The following KCNN2 variants were observed in gnomAD, a reference collection of about 807,000 sequenced individuals.
KCNN2 encodes potassium calcium-activated channel subfamily N member 2.
KCNN2 carries 24 observed loss-of-function variants against 55.5 expected under a neutral mutation model. That is an observed-to-expected ratio of 0.43 (90% confidence interval 0.31 to 0.61). The LOEUF (loss-of-function observed/expected upper bound fraction) is 0.61, where lower values mean the gene tolerates loss of function less well. Ranked by LOEUF, KCNN2 falls within the 20% of genes least tolerant of loss-of-function variation. The pLI is 0.08. For missense variants in KCNN2, 754 were observed against 853.6 expected (o/e 0.88, Z 1.45); for synonymous variants, 431 against 336.1 (o/e 1.28, Z -3.09).
At chr5:114,202,084 C>T (rs1003270776) in intron 1 of KCNN2, among the ~76,000 whole-genome samples, 2 of 152,116 alleles carry the variant, frequency 1.3e-5, no homozygotes, top group African/African-American at 2.4e-5. Flanking sequence ...CTGTTCTCTT[C>T]CTGCCTCCGT....
chr5:114,294,079 C>T (rs1755954171), intron 2 of KCNN2, among the ~76,000 whole-genome samples: 1 of 152,080 alleles, frequency 6.6e-6, no homozygotes, highest in African/African-American at 2.4e-5. Context: ...TGATTCTTCT[C>T]TCTTTTTTTC....
chr5:114,122,757 G>A (rs574066642), intron 1 of KCNN2, among the ~76,000 whole-genome samples: 1 of 152,302 alleles, frequency 6.6e-6, no homozygotes, highest in East Asian at 1.9e-4. Flanking sequence ...AAACAAACGA[G>A]GAAGAGGGTG....
At chr5:114,439,669 A>G (rs867482399) in intron 3 of KCNN2, among the ~76,000 whole-genome samples, 20 of 152,304 alleles carry the variant, frequency 1.3e-4, no homozygotes, top group Admixed American at 2.0e-4. Flanking sequence ...TTCACTATGT[A>G]CTAATAGAAC....
intron 3 of KCNN2, among the ~76,000 whole-genome samples, chr5:114,460,895 A>AT (rs1306173774): frequency 6.6e-6 from 1 of 152,202 alleles, no homozygotes; most frequent in African/African-American, 2.4e-5. Flanking sequence ...TTGTCTCACA[A>AT]TTAAAAACTG....
At chr5:114,292,708 G>C (rs985059403) in intron 2 of KCNN2, among the ~76,000 whole-genome samples, 6 of 152,130 alleles carry the variant, frequency 3.9e-5, no homozygotes, top group African/African-American at 1.2e-4. Context: ...GTTTAAAGTA[G>C]TTTTTTCCAA....
At chr5:114,364,463 A>G (rs565868493) in intron 2 of KCNN2, among the ~76,000 whole-genome samples, 4 of 152,326 alleles carry the variant, frequency 2.6e-5, no homozygotes, top group African/African-American at 4.8e-5. Flanking sequence ...GCTAATTTAT[A>G]TAAATGAGAT....
At chr5:114,408,461 T>G (rs1759011759) in intron 3 of KCNN2, among the ~76,000 whole-genome samples, 1 of 152,142 alleles carries the variant, frequency 6.6e-6, no homozygotes, top group Non-Finnish European at 1.5e-5. Context: ...ATTAACGTTT[T>G]CTTTTTAAGG....
chr5:114,493,726 G>T (rs1747974502), intron 7 of KCNN2, among the ~76,000 whole-genome samples: 1 of 152,130 alleles, frequency 6.6e-6, no homozygotes, highest in African/African-American at 2.4e-5. Context: ...AGTACCATAA[G>T]AAGCTTAAGT....
intron 2 of KCNN2, among the ~76,000 whole-genome samples, chr5:114,223,912 G>T (rs1754192974): frequency 6.6e-6 from 1 of 152,136 alleles, no homozygotes; most frequent in African/African-American, 2.4e-5. Flanking sequence ...TGAGGGGGCA[G>T]AACAATGTTG....
intron 1 of KCNN2, among the ~76,000 whole-genome samples, chr5:114,129,671 G>A (rs1446620555): frequency 6.6e-6 from 1 of 152,154 alleles, no homozygotes; most frequent in East Asian, 1.9e-4. Context: ...GAAAGACAGA[G>A]GTGACGAAGT....
At chr5:114,073,285 A>G (rs1750615975) in intron 1 of KCNN2, among the ~76,000 whole-genome samples, 1 of 152,206 alleles carries the variant, frequency 6.6e-6, no homozygotes, top group African/African-American at 2.4e-5. Flanking sequence ...GTCTTTAAAT[A>G]GCTTGATTGC....
At chr5:114,198,364 G>GT (rs1753601175) in intron 1 of KCNN2, among the ~76,000 whole-genome samples, 1 of 148,856 alleles carries the variant, frequency 6.7e-6, no homozygotes, top group Admixed American at 6.7e-5. Context: ...ACATAGGTGT[G>GT]TATATATACA....
At chr5:114,341,424 G>T (rs1012293983) in intron 2 of KCNN2, among the ~76,000 whole-genome samples, 2 of 152,126 alleles carry the variant, frequency 1.3e-5, no homozygotes, top group African/African-American at 4.8e-5. Context: ...GGAGATGAAT[G>T]CTAGAAATGA....
At chr5:114,292,007 T>C (rs1392553816) in intron 2 of KCNN2, among the ~76,000 whole-genome samples, 1 of 151,966 alleles carries the variant, frequency 6.6e-6, no homozygotes, top group Non-Finnish European at 1.5e-5. Flanking sequence ...AAGTGTCTGT[T>C]CATATCCTTC....
At position 114,155,114 on chromosome 5, in the gene KCNN2, T is replaced by G. The variant is rs988268762; in HGVS notation, c.-270-66366T>G. ...CCGTGTGTTCTCATCATTTAGCTAC[T>G]ACTACTAAGTGAGAACATGTGGTAT... On this transcript the variant is annotated intron_variant, in intron 1 of 10. Coordinates refer to the KCNN2 transcript ENST00000512097. Among the ~76,000 whole-genome samples the G allele has an allele frequency of 2.4e-4, 36 of 152,150 alleles. No homozygotes were observed. The South Asian group carries it at 5.2e-3, about 22-fold the overall frequency.
At chr5:114,482,298 A>G (rs1206050900) in intron 5 of KCNN2, among the ~76,000 whole-genome samples, 3 of 152,228 alleles carry the variant, frequency 2.0e-5, no homozygotes, top group African/African-American at 7.2e-5. Context: ...TGGTCATTAG[A>G]GAAATGCAAA....
chr5:114,254,705 C>T (rs1334876919), intron 2 of KCNN2, among the ~76,000 whole-genome samples: 1 of 152,144 alleles, frequency 6.6e-6, no homozygotes, highest in Non-Finnish European at 1.5e-5. Context: ...TTTATCATAT[C>T]TGTTCCTTAG....
intron 3 of KCNN2, among the ~76,000 whole-genome samples, chr5:114,419,016 T>A (rs1028747627): frequency 6.6e-6 from 1 of 152,244 alleles, no homozygotes; most frequent in Admixed American, 6.5e-5. Context: ...ACGTAATAAT[T>A]TTTTTCGTAG....
chr5:114,324,518 T>C (rs1288822249), intron 2 of KCNN2, among the ~76,000 whole-genome samples: 3 of 152,174 alleles, frequency 2.0e-5, no homozygotes, highest in African/African-American at 7.2e-5. Flanking sequence ...AGATGGCCTC[T>C]AGAAGGGTGG....
Sources: allele counts gnomAD v4.1 joint callset (sites outside exome capture counted in the v4.1 genomes callset), GRCh38; gene constraint gnomAD v4.1.1; transcripts MANE v1.5; gene names NCBI Gene and HGNC (gene_info 2026-07-23, HGNC 2026-07-21).